Variants in OSBPL8 observed in about 807,000 individuals in gnomAD.
OSBPL8 encodes the protein oxysterol-binding protein-related protein 8.
OSBPL8 carries 59 observed loss-of-function variants against 125.5 expected under a neutral mutation model. The observed-to-expected ratio is 0.47, with a 90% CI of 0.38 to 0.58. The LOEUF is 0.58. Ranked by LOEUF, OSBPL8 falls within the 20% of genes least tolerant of loss-of-function variation. The pLI, the probability that OSBPL8 is intolerant of heterozygous loss-of-function variation, is 0.00. For synonymous variants in OSBPL8, 330 were observed against 338.9 expected, an observed-to-expected ratio of 0.97 and a Z score of 0.29; for missense variants, 758 against 1,047.8, an observed-to-expected ratio of 0.72 and a Z score of 3.82.
chr12:76,418,488 C>G (rs1376304530), intron 4 of OSBPL8, among the ~76,000 whole-genome samples: 1 of 152,156 alleles, frequency 6.6e-6, no homozygotes, highest in African/African-American at 2.4e-5. Context: ...CTGCAACATA[C>G]ATCCAGGCTG....
chr12:76,496,369 AATT>A, intron 1 of OSBPL8, among the ~76,000 whole-genome samples: 1 of 129,114 alleles, frequency 7.7e-6, no homozygotes, highest in African/African-American at 3.2e-5. Flanking sequence ...AATGCTGTGT[AATT>A]TTTTTTTTTT....
intron 1 of OSBPL8, among the ~76,000 whole-genome samples, chr12:76,524,929 C>A (rs1256472595): frequency 1.3e-5 from 2 of 152,082 alleles, no homozygotes; most frequent in Non-Finnish European, 2.9e-5. Context: ...GGTGATCCGC[C>A]CACCTCAGCC....
intron 1 of OSBPL8, among the ~76,000 whole-genome samples, chr12:76,522,156 C>T (rs1419429733): frequency 6.6e-6 from 1 of 152,076 alleles, no homozygotes; most frequent in Non-Finnish European, 1.5e-5. Flanking sequence ...AAAATTAATG[C>T]TCTCATCTCA....
chr12:76,490,094 C>G (rs544724290), intron 1 of OSBPL8, among the ~76,000 whole-genome samples: 1 of 152,262 alleles, frequency 6.6e-6, no homozygotes, highest in East Asian at 1.9e-4. Flanking sequence ...GCTGCAATCT[C>G]AAGACAAAAC....
chr12:76,453,408 A>C (rs1283379211), intron 3 of OSBPL8, among the ~76,000 whole-genome samples: 1 of 152,320 alleles, frequency 6.6e-6, no homozygotes, highest in Non-Finnish European at 1.5e-5. Flanking sequence ...AATTGACCTA[A>C]AGAACATAGC....
chr12:76,450,540 T>G (rs1873256423), intron 4 of OSBPL8, among the ~76,000 whole-genome samples: 9 of 151,926 alleles, frequency 5.9e-5, no homozygotes, highest in Admixed American at 5.9e-4. Context: ...CAAAAGCACT[T>G]CACAGTCTTC....
chr12:76,378,100 A>G (rs1344377377), intron 16 of OSBPL8, among the ~76,000 whole-genome samples: 1 of 152,214 alleles, frequency 6.6e-6, no homozygotes, highest in East Asian at 1.9e-4. Flanking sequence ...AAATTTTAAA[A>G]AAGCATGGTG....
intron 4 of OSBPL8, among the ~76,000 whole-genome samples, chr12:76,433,427 A>G (rs1452651693): frequency 6.6e-6 from 1 of 152,184 alleles, no homozygotes; most frequent in Non-Finnish European, 1.5e-5. Context: ...AGCTACTCAA[A>G]AAGGAAATTA....
chr12:76,489,228 G>A (rs908516102), intron 1 of OSBPL8, among the ~76,000 whole-genome samples: 2 of 152,160 alleles, frequency 1.3e-5, no homozygotes, highest in African/African-American at 4.8e-5. Context: ...GTGCTACTTG[G>A]AGAAACTGCA....
At chr12:76,432,990 T>C (rs1469426493) in intron 4 of OSBPL8, among the ~76,000 whole-genome samples, 1 of 152,162 alleles carries the variant, frequency 6.6e-6, no homozygotes, top group Non-Finnish European at 1.5e-5. Flanking sequence ...ATGATCACTT[T>C]AGTAAATGTG....
intron 1 of OSBPL8, among the ~76,000 whole-genome samples, chr12:76,537,466 C>T (rs73385569): frequency 0.038 from 5,759 of 152,102 alleles, 335 homozygotes; most frequent in African/African-American, 0.13. Flanking sequence ...GTTTCATATA[C>T]AGAAAAGTAT....
Position 76,357,127 on chromosome 12 carries a change from C to T in OSBPL8, c.2435-399G>A, listed in dbSNP as rs143644126. ...GTTTAGTTACCTAAACTTTAAATCC[C>T]TTTCGACACCACTTCTGCAAATTTT... On this transcript the variant is annotated intron_variant, in intron 22 of 23. Transcript: ENST00000261183. Among the ~76,000 whole-genome samples, 1,270 of 152,226 alleles carry T rather than the reference C, an allele frequency of 8.3e-3. 51 individuals carry two copies. The highest frequency in any genetic ancestry group is 0.073 in the Admixed American group (1,109 of 15,280).
intron 2 of OSBPL8, among the ~76,000 whole-genome samples, chr12:76,477,397 T>C (rs1483945933): frequency 2.0e-5 from 3 of 152,202 alleles, no homozygotes; most frequent in Non-Finnish European, 4.4e-5. Flanking sequence ...TGGTATGATG[T>C]GATGAAAACG....
intron 4 of OSBPL8, among the ~76,000 whole-genome samples, chr12:76,418,010 C>CTTTTTTTTTTTTTTTT (rs35319213): frequency 9.0e-6 from 1 of 111,558 alleles, no homozygotes; most frequent in African/African-American, 3.5e-5. Context: ...TTTTCACTAC[C>CTTTTTTTTTTTTTTTT]TTTTTTTTTT....
In OSBPL8 at chr12:76,558,820, TGAGA is replaced by T. The variant is rs1350797918; in HGVS notation, c.-68+573_-68+576del. Among the ~76,000 whole-genome samples the T allele has an allele frequency of 5.9e-5, 9 of 152,216 alleles. No homozygotes were observed. In the East Asian group the frequency reaches 1.7e-3, roughly 29 times the overall value. The stretch of plus-strand genomic sequence containing the variant: ...GCTCCTTGGAACCTGATTCCACTCT[TGAGA>T]GAGGGCTTAGAAACAAACATTAAAT... On this transcript the variant is annotated intron_variant, in intron 1 of 23. Coordinates refer to ENST00000261183, the MANE Select transcript of OSBPL8 (RefSeq NM_020841.5).
intron 4 of OSBPL8, among the ~76,000 whole-genome samples, chr12:76,429,935 G>A (rs1355354266): frequency 2.6e-5 from 4 of 151,006 alleles, no homozygotes; most frequent in African/African-American, 9.7e-5. Context: ...TAGCCTTACT[G>A]ATTCATGGTC....
intron 1 of OSBPL8, among the ~76,000 whole-genome samples, chr12:76,504,867 T>C (rs1373619024): frequency 2.6e-5 from 4 of 152,174 alleles, no homozygotes; most frequent in African/African-American, 9.7e-5. Context: ...AGATTGGCTT[T>C]TTGAGATGTC....
At chr12:76,375,135 G>T in intron 17 of OSBPL8, 138 bp downstream of exon 17, 1 of 565,888 alleles carries the variant, frequency 1.8e-6, no homozygotes, top group Non-Finnish European at 3.0e-6. Flanking sequence ...TTATTCCTTA[G>T]ATGCACTTAT....
chr12:76,487,598 C>T lies in OSBPL8; in HGVS notation c.-47G>A. On this transcript the variant is annotated 5_prime_UTR_variant, in exon 2 of 24. It removes an upstream start codon present in the reference 5' UTR. Transcript: ENST00000261183. ...GCTTCTCTTTCCATTAATGTGCAGC[C>T]ATTCTGTAAATCTGCAAATCCTAAA... 6.6e-7 allele frequency: 1 copy of T among 1,504,922 alleles called. No homozygotes were observed. The highest frequency in any genetic ancestry group is 9.0e-7 in the Non-Finnish European group (1 of 1,113,800). The allele number at this position is 1,504,922 out of a possible 1,614,324, so 93.2% of individuals were successfully genotyped here. A position where few individuals can be genotyped will look rare whatever the true frequency, so the allele number is the denominator to read the frequency against.
Sources: allele counts gnomAD v4.1 joint callset (sites outside exome capture counted in the v4.1 genomes callset), GRCh38; gene constraint gnomAD v4.1.1; transcripts MANE v1.5; gene names NCBI Gene and HGNC (gene_info 2026-07-23, HGNC 2026-07-21).